CYP2J2: variants seen among roughly 807,000 people sequenced by gnomAD.
CYP2J2 encodes cytochrome P450 2J2.
CYP2J2 carries 41 observed loss-of-function variants against 48.8 expected under a neutral mutation model. The observed-to-expected ratio is 0.84, with a 90% CI of 0.66 to 1.09. The LOEUF (loss-of-function observed/expected upper bound fraction) is 1.09, where lower values mean the gene tolerates loss of function less well. Ranked by LOEUF, CYP2J2 falls within the 50% of genes least tolerant of loss-of-function variation. The pLI, the probability that CYP2J2 is intolerant of heterozygous loss-of-function variation, is 0.00. For missense variants in CYP2J2, 644 were observed against 617.3 expected (o/e 1.04, Z -0.46); for synonymous variants, 221 against 227.1 (o/e 0.97, Z 0.24).
At chr1:59,933,822 G>T in the CYP2J2 span, among the ~76,000 whole-genome samples, 33 of 152,064 alleles carry the variant, frequency 2.2e-4, no homozygotes, top group Non-Finnish European at 7.4e-5. Context: ...TTAATTTGCA[G>T]ATTTAATGTC....
the CYP2J2 span, among the ~76,000 whole-genome samples, chr1:59,943,272 A>T: frequency 6.6e-6 from 1 of 152,190 alleles, no homozygotes; most frequent in Non-Finnish European, 1.5e-5. Context: ...AAAGCTTAGA[A>T]GTAGAAGAGA....
chr1:59,912,327 TC>T lies in CYP2J2; in HGVS notation c.374-17del, dbSNP rs746074288. On this transcript the variant is annotated splice_polypyrimidine_tract_variant and intron_variant, in intron 2 of 8. Coordinates refer to ENST00000371204, the MANE Select transcript of CYP2J2 (RefSeq NM_000775.4). The stretch of plus-strand genomic sequence containing the variant: ...ATAATCAATCCTGGGAAAAAGAAAG[TC>T]AACATTACAGTATTCTGATTCCATA... 6.2e-7 allele frequency: 1 copy of T among 1,608,854 alleles called. No homozygotes were observed. Among genetic ancestry groups the T allele is most frequent in the Non-Finnish European group, 8.5e-7 (1 of 1,177,758 alleles).
In CYP2J2 at chr1:59,893,654, C is replaced by G; in HGVS notation, c.1506G>C (p.Val502=). Residue 502 remains valine, a synonymous_variant, in exon 9 of 9, where the codon GTG becomes GTC. Transcript: ENST00000371204. ...GCCCCTTTCTTTCTTAACAATATTA[C>G]ACCTGAGGAACAGCGCAGAGGCGGT... ...VSHRLCAVPQ[V] 6.3e-7 allele frequency: 1 copy of G among 1,599,250 alleles called. No homozygotes were observed. Among genetic ancestry groups the G allele is most frequent in the Non-Finnish European group, 8.5e-7 (1 of 1,173,796 alleles).
the CYP2J2 span, among the ~76,000 whole-genome samples, chr1:59,952,370 C>A: frequency 6.6e-6 from 1 of 151,546 alleles, no homozygotes; most frequent in Non-Finnish European, 1.5e-5. Context: ...CCTTAATAAC[C>A]AGCAGATGGC....
chr1:59,914,821 AG>A (rs1441090027), intron 2 of CYP2J2, among the ~76,000 whole-genome samples: 2 of 152,178 alleles, frequency 1.3e-5, no homozygotes, highest in East Asian at 3.9e-4. Flanking sequence ...TTAATAAAAG[AG>A]GAAAGCCTCT....
the CYP2J2 span, among the ~76,000 whole-genome samples, chr1:59,966,153 C>T: frequency 6.6e-6 from 1 of 152,146 alleles, no homozygotes; most frequent in Non-Finnish European, 1.5e-5. Flanking sequence ...GGTCCAGGAG[C>T]AAGATGGTGG....
the CYP2J2 span, among the ~76,000 whole-genome samples, chr1:59,938,993 A>G: frequency 6.6e-6 from 1 of 152,220 alleles, no homozygotes; most frequent in African/African-American, 2.4e-5. Context: ...ATTCTATACA[A>G]TGCATGTTTT....
intron 7 of CYP2J2, among the ~76,000 whole-genome samples, chr1:59,901,486 A>G (rs1318145814): frequency 6.6e-6 from 1 of 152,220 alleles, no homozygotes; most frequent in Admixed American, 6.5e-5. Context: ...CAGTGAAGCT[A>G]TAACGATGGC....
At chr1:59,918,690 A>C (rs1644487427) in intron 1 of CYP2J2, among the ~76,000 whole-genome samples, 1 of 151,998 alleles carries the variant, frequency 6.6e-6, no homozygotes, top group African/African-American at 2.4e-5. Context: ...AAACCTTAAC[A>C]GAATAAAACA....
At chr1:59,952,458 A>G in the CYP2J2 span, among the ~76,000 whole-genome samples, 1 of 152,058 alleles carries the variant, frequency 6.6e-6, no homozygotes, top group South Asian at 2.1e-4. Context: ...AGGGGTGGGG[A>G]ATCCAGAAGA....
intron 1 of CYP2J2, among the ~76,000 whole-genome samples, chr1:59,919,365 T>C (rs545333098): frequency 6.6e-6 from 1 of 152,374 alleles, no homozygotes; most frequent in South Asian, 2.1e-4. Context: ...TTCACTTACA[T>C]ACAAATCTGG....
At chr1:59,933,586 T>C in the CYP2J2 span, among the ~76,000 whole-genome samples, 1 of 152,244 alleles carries the variant, frequency 6.6e-6, no homozygotes, top group Non-Finnish European at 1.5e-5. Context: ...GGGGGTGGTG[T>C]GTGGAATCTT....
intron 6 of CYP2J2, among the ~76,000 whole-genome samples, chr1:59,906,047 G>A (rs1031484042): frequency 3.3e-5 from 5 of 152,156 alleles, no homozygotes; most frequent in Admixed American, 1.3e-4. Context: ...TTAGCCGGGC[G>A]TGGTGGCGGG....
chr1:59,963,561 C>G, the CYP2J2 span, among the ~76,000 whole-genome samples: 2 of 152,130 alleles, frequency 1.3e-5, no homozygotes, highest in African/African-American at 4.8e-5. Context: ...TATGTATATA[C>G]TACATTGTGT....
At chr1:59,898,975 T>C (rs1215908814) in intron 8 of CYP2J2, among the ~76,000 whole-genome samples, 1 of 152,200 alleles carries the variant, frequency 6.6e-6, no homozygotes, top group Non-Finnish European at 1.5e-5. Context: ...ACAGGAGACA[T>C]GAAGGAACTA....
intron 8 of CYP2J2, among the ~76,000 whole-genome samples, chr1:59,897,492 G>A (rs1208825241): frequency 1.3e-5 from 2 of 152,212 alleles, no homozygotes; most frequent in African/African-American, 4.8e-5. Flanking sequence ...GGACTGTTAG[G>A]TGTCAAAGCT....
At chr1:59,955,681 T>C in the CYP2J2 span, among the ~76,000 whole-genome samples, 4 of 152,130 alleles carry the variant, frequency 2.6e-5, no homozygotes, top group Non-Finnish European at 5.9e-5. Context: ...CAACATCATG[T>C]ATGTAGTATT....
the CYP2J2 span, among the ~76,000 whole-genome samples, chr1:59,959,590 G>A: frequency 1.3e-5 from 2 of 151,770 alleles, no homozygotes; most frequent in Non-Finnish European, 2.9e-5. Context: ...ATGTATGTAT[G>A]TGTATATATG....
the CYP2J2 span, among the ~76,000 whole-genome samples, chr1:59,944,592 A>G: frequency 6.6e-6 from 1 of 152,206 alleles, no homozygotes; most frequent in Non-Finnish European, 1.5e-5. Context: ...GGGTATTTTC[A>G]TTTAAATACC....
Sources: gnomAD v4.1 joint callset for allele counts (sites outside exome capture counted in the v4.1 genomes callset) on GRCh38, gnomAD v4.1.1 for gene constraint, MANE v1.5 for transcripts, NCBI Gene and HGNC (gene_info 2026-07-23, HGNC 2026-07-21) for gene names.